DIDO1: variants seen among roughly 807,000 people sequenced by gnomAD.
DIDO1 encodes death-inducer obliterator 1.
A neutral mutation model predicts 99.4 loss-of-function variants in DIDO1; 16 were observed. The observed-to-expected ratio is 0.16, with a 90% CI of 0.11 to 0.24. The LOEUF is 0.24. Ranked by LOEUF, DIDO1 falls within the 10% of genes least tolerant of loss-of-function variation. DIDO1 has a pLI of 1.00. For missense variants in DIDO1, 2,996 were observed against 3,014.0 expected, an observed-to-expected ratio of 0.99 and a Z score of 0.14; for synonymous variants, 1,366 against 1,239.1, an observed-to-expected ratio of 1.10 and a Z score of -2.15.
chr20:62,895,306 C>T, intron 8 of DIDO1, 141 bp from the exon 9 acceptor site: 2 of 722,886 alleles, frequency 2.8e-6, no homozygotes, highest in Non-Finnish European at 4.7e-6. Context: ...TGGCACTGGG[C>T]AGAGCCCTCC....
At chr20:62,918,891 A>C (rs1601020733) in intron 1 of DIDO1, among the ~76,000 whole-genome samples, 1 of 152,196 alleles carries the variant, frequency 6.6e-6, no homozygotes, top group South Asian at 2.1e-4. Context: ...ACCACAAATG[A>C]AGGAAAGATT....
At chr20:62,905,471 T>A in intron 6 of DIDO1, 1 of 1,541,548 alleles carries the variant, frequency 6.5e-7, no homozygotes, top group South Asian at 1.2e-5. Context: ...GTGGACAATG[T>A]GGAAAAACTG....
intron 1 of DIDO1, among the ~76,000 whole-genome samples, chr20:62,922,103 T>TACACAC (rs1379260072): frequency 1.2e-4 from 8 of 65,170 alleles, no homozygotes; most frequent in African/African-American, 5.6e-4. Flanking sequence ...ATACACACTA[T>TACACAC]ATATATACAC....
At chr20:62,885,937 CAG>C (rs1287708194) in intron 15 of DIDO1, among the ~76,000 whole-genome samples, 3 of 152,230 alleles carry the variant, frequency 2.0e-5, no homozygotes, top group Non-Finnish European at 2.9e-5. Context: ...GCCCCCACCT[CAG>C]GGGGGCAGTC....
Position 62,911,057 on chromosome 20 carries a change from T to C in DIDO1, c.556A>G (p.Ser186Gly), listed in dbSNP as rs760782334. The change falls in exon 3 of 16, where the codon AGT becomes GGT. Residue 186 changes from serine to glycine, a missense_variant. By Grantham distance (56) the Ser-to-Gly change is moderately conservative (BLOSUM62 0). Transcript: ENST00000395343. This position sits in a 1 kb window ranked among gnomAD's most constrained non-coding sequence, Gnocchi z 7.0. ...PTERPLKGIQ[S>G]RLRKKRREEG... ...TCCCGGCGCTTCTTCCGCAGGCGAC[T>C]CTGGATCCCTTTCAGGGGCCTCTCA... 2 of 1,613,804 alleles carry C rather than the reference T, an allele frequency of 1.2e-6. No individual in the cohort carries two copies. Among genetic ancestry groups the C allele is most frequent in the Non-Finnish European group, 1.7e-6 (2 of 1,180,018 alleles).
intron 4 of DIDO1, among the ~76,000 whole-genome samples, chr20:62,908,422 T>C (rs577399691): frequency 4.6e-5 from 7 of 152,256 alleles, no homozygotes; most frequent in Middle Eastern, 3.4e-3. Context: ...CCCATGGAAA[T>C]GGAGGCATAA....
chr20:62,892,141 C>G, intron 13 of DIDO1, 65 bp from the exon 14 acceptor site: 1 of 1,375,998 alleles, frequency 7.3e-7, no homozygotes, highest in Non-Finnish European at 1.0e-6. Context: ...ACGAATGCAG[C>G]CATGTGAAGG....
intron 12 of DIDO1, 91 bp downstream of exon 12, chr20:62,893,575 C>T (rs2147398655): frequency 2.1e-6 from 3 of 1,415,464 alleles, no homozygotes; most frequent in East Asian, 2.3e-5. Context: ...GGTTACATTT[C>T]CAAGTTCAAC....
intron 3 of DIDO1, among the ~76,000 whole-genome samples, chr20:62,910,368 C>T (rs2064903090): frequency 6.6e-6 from 1 of 152,244 alleles, no homozygotes; most frequent in African/African-American, 2.4e-5. Flanking sequence ...TGAGCTGCCC[C>T]AATGTTTGCA....
At chr20:62,920,441 G>C (rs988605022) in intron 1 of DIDO1, among the ~76,000 whole-genome samples, 5 of 152,140 alleles carry the variant, frequency 3.3e-5, no homozygotes, top group African/African-American at 1.2e-4. Context: ...TGAGGGAGAG[G>C]TGTGTACTGG....
chr20:62,918,382 T>C (rs1015172044), intron 1 of DIDO1, among the ~76,000 whole-genome samples: 2 of 152,260 alleles, frequency 1.3e-5, no homozygotes, highest in African/African-American at 4.8e-5. Context: ...ACGATCCTTC[T>C]GCCTCAACCT....
intron 6 of DIDO1, among the ~76,000 whole-genome samples, chr20:62,898,779 AG>A (rs2064594990): frequency 6.6e-6 from 1 of 152,274 alleles, no homozygotes; most frequent in South Asian, 2.1e-4. Context: ...CTAACACGAC[AG>A]GAACAAAGGT....
chr20:62,913,828 A>G (rs1019635048), intron 2 of DIDO1, among the ~76,000 whole-genome samples: 7 of 152,264 alleles, frequency 4.6e-5, no homozygotes, highest in South Asian at 2.1e-4. Context: ...GCTCTAGTTT[A>G]TAAAACTGGG....
At position 62,881,927 on chromosome 20, in the gene DIDO1, G is replaced by A. The variant is rs768778660; in HGVS notation, c.4029C>T (p.Pro1343=). ...CCTCTGCTGTGGTTTTGGGCTCCTG[G>A]GGGAGACCTGCGGTGGACCCGGGAG... ...REPPGSTAGL[P]QEPKTTAEDG... Residue 1343 remains proline, a synonymous_variant, in exon 16 of 16, where the codon CCC becomes CCT. Coordinates refer to ENST00000395343, the MANE Select transcript of DIDO1 (RefSeq NM_001193369.2). The surrounding 1 kb of genome is among the most constrained non-coding windows in gnomAD (Gnocchi z 8.3). 3 of 1,613,414 alleles carry A rather than the reference G, an allele frequency of 1.9e-6. No individual in the cohort carries two copies. In the Admixed American group the frequency reaches 5.0e-5, roughly 27 times the overall value.
intron 6 of DIDO1, among the ~76,000 whole-genome samples, chr20:62,898,171 G>A (rs1338420083): frequency 2.0e-5 from 3 of 152,198 alleles, no homozygotes; most frequent in Non-Finnish European, 2.9e-5. Context: ...CTTACTGACC[G>A]CTTTCAATAA....
At position 62,924,205 on chromosome 20, in the gene DIDO1, C is replaced by T. The variant is rs112045722; in HGVS notation, c.-200+2234G>A. Reference sequence around the variant, plus strand: ...TCTTAGTATCCACTGTAAGGGACCCCGTCATTTAAATAAGAAATGTAAGTG... The same window carrying T: ...TCTTAGTATCCACTGTAAGGGACCCTGTCATTTAAATAAGAAATGTAAGTG... On this transcript the variant is annotated intron_variant, in intron 1 of 15. Coordinates refer to ENST00000395343, the MANE Select transcript of DIDO1 (RefSeq NM_001193369.2). Among the ~76,000 whole-genome samples the T allele has an allele frequency of 5.7e-3, 870 of 152,284 alleles. 5 individuals carry two copies. The highest frequency in any genetic ancestry group is 0.019 in the African/African-American group (771 of 41,556).
chr20:62,911,626 G>A lies in DIDO1; in HGVS notation c.-2-12C>T, dbSNP rs1278828713. 3 of 1,539,944 alleles carry A rather than the reference G, an allele frequency of 1.9e-6. No individual in the cohort carries two copies. Among genetic ancestry groups the A allele is most frequent in the Non-Finnish European group, 2.6e-6 (3 of 1,141,314 alleles). ...TTTGTCGTCCATACCTAGCGGTAAA[G>A]TGTAAGCACATAGTGACCAACTGAC... On this transcript the variant is annotated splice_polypyrimidine_tract_variant and intron_variant, in intron 2 of 15. Transcript: ENST00000395343. This position sits in a 1 kb window ranked among gnomAD's most constrained non-coding sequence, Gnocchi z 7.0.
intron 15 of DIDO1, chr20:62,888,385 C>G (rs1311655907): frequency 1.0e-6 from 1 of 985,518 alleles, no homozygotes; most frequent in East Asian, 1.1e-4. Context: ...CAGCTCAAGG[C>G]TGGGGCGCCA....
rs540767291 is a variant in DIDO1, at chr20:62,878,903, G to A, written c.*330C>T. 4.8e-6 allele frequency: 1 copy of A among 209,500 alleles called. No homozygotes were observed. Among genetic ancestry groups the A allele is most frequent in the African/African-American group, 2.3e-5 (1 of 43,648 alleles). The allele number at this position is 209,500 out of a possible 1,614,324, so 13.0% of individuals were successfully genotyped here. On this transcript the variant is annotated 3_prime_UTR_variant, in exon 16 of 16. Transcript: ENST00000395343. ...CACAAACGGATGAGATGTCAGTGAAGGTATGGCTCTAGGGTCCAACGAAAC... is the reference window on the plus strand; with the variant it reads ...CACAAACGGATGAGATGTCAGTGAAAGTATGGCTCTAGGGTCCAACGAAAC...
Sources: gnomAD v4.1 joint callset for allele counts (sites outside exome capture counted in the v4.1 genomes callset) on GRCh38, gnomAD v4.1.1 for gene constraint, Gnocchi (gnomAD v3.1) non-coding constraint, MANE v1.5 for transcripts, NCBI Gene and HGNC (gene_info 2026-07-23, HGNC 2026-07-21) for gene names.